Variants in EPB41L1 observed in about 807,000 individuals in gnomAD.
EPB41L1 encodes erythrocyte membrane protein band 4.1 like 1.
EPB41L1 carries 29 observed loss-of-function variants against 97.8 expected under a neutral mutation model. The observed-to-expected ratio is 0.30, with a 90% CI of 0.22 to 0.40. The LOEUF is 0.40. EPB41L1 is among the 10% of genes least tolerant of loss of function. EPB41L1 has a pLI of 1.00. For missense variants in EPB41L1, 812 were observed against 1,162.3 expected (o/e 0.70, Z 4.38); for synonymous variants, 383 against 459.2 (o/e 0.83, Z 2.12).
At position 36,190,420 on chromosome 20, in the gene EPB41L1, T is replaced by C. The variant is rs1305106268; in HGVS notation, c.1124+46T>C. ...GGTAATGGGGATGGGGCAGAGGCCATGTGTATGGAGGGGAGCAGGGGGAGG... is the reference window on the plus strand; with the variant it reads ...GGTAATGGGGATGGGGCAGAGGCCACGTGTATGGAGGGGAGCAGGGGGAGG... On this transcript the variant is annotated intron_variant, in intron 10 of 21. Transcript: ENST00000338074. The surrounding 1 kb of genome is among the most constrained non-coding windows in gnomAD (Gnocchi z 5.8). The C allele has an allele frequency of 1.9e-6, 3 of 1,597,956 alleles. No individual in the cohort carries two copies. The highest frequency in any genetic ancestry group is 2.6e-6 in the Non-Finnish European group (3 of 1,167,864).
intron 1 of EPB41L1, among the ~76,000 whole-genome samples, chr20:36,158,861 G>A (rs964586903): frequency 6.6e-6 from 1 of 152,176 alleles, no homozygotes; most frequent in African/African-American, 2.4e-5. Context: ...TAAATGTCAG[G>A]CCAAGGTGTT....
intron 18 of EPB41L1, 63 bp downstream of exon 18, chr20:36,219,025 T>C (rs1440451242): frequency 3.2e-6 from 5 of 1,544,978 alleles, no homozygotes; most frequent in Admixed American, 1.7e-5. Flanking sequence ...CATGGACCCA[T>C]GTATGGCTGG....
chr20:36,169,441 CA>C (rs1228567305), intron 1 of EPB41L1, among the ~76,000 whole-genome samples: 2 of 152,084 alleles, frequency 1.3e-5, no homozygotes, highest in East Asian at 3.9e-4. Flanking sequence ...GCCTGGCTGG[CA>C]GCAACGCTTA....
At chr20:36,113,169 T>C (rs1354599005) in intron 2 of EPB41L1, among the ~76,000 whole-genome samples, 2 of 152,156 alleles carry the variant, frequency 1.3e-5, no homozygotes, top group Non-Finnish European at 2.9e-5. Flanking sequence ...GCCCGGGGCG[T>C]GTCAAAGCTT....
intron 15 of EPB41L1, among the ~76,000 whole-genome samples, chr20:36,210,299 TCTGGG>T (rs1389824537): frequency 6.6e-6 from 1 of 151,926 alleles, no homozygotes; most frequent in Admixed American, 6.6e-5. Context: ...CTCTCTGGGG[TCTGGG>T]CTTCCCGGGG....
intron 2 of EPB41L1, among the ~76,000 whole-genome samples, chr20:36,174,572 C>T (rs1428511735): frequency 1.4e-5 from 2 of 141,268 alleles, no homozygotes; most frequent in Non-Finnish European, 3.1e-5. Context: ...CATGCCTGGC[C>T]TTTTTTTTTT....
rs2064543377 is a variant in EPB41L1 at position 36,232,672 on chromosome 20, T to C, written c.*3332T>C. The C allele has an allele frequency of 7.5e-6, 3 of 399,182 alleles. No homozygotes were observed. The East Asian group carries it at 1.1e-4, about 14-fold the overall frequency. 24.7% of individuals were successfully genotyped at this position (399,182 alleles called of 1,614,324 possible). ...ATTGCGATGCTGTCCTGTTCCTTTTTACTCACACCCTTCTCTCCTTTCTCG... is the reference window on the plus strand; with the variant it reads ...ATTGCGATGCTGTCCTGTTCCTTTTCACTCACACCCTTCTCTCCTTTCTCG... On this transcript the variant is annotated 3_prime_UTR_variant, in exon 22 of 22. Coordinates refer to ENST00000338074, the MANE Select transcript of EPB41L1 (RefSeq NM_012156.2).
At chr20:36,199,152 T>C (rs529216508) in intron 14 of EPB41L1, among the ~76,000 whole-genome samples, 1 of 152,202 alleles carries the variant, frequency 6.6e-6, no homozygotes, top group East Asian at 1.9e-4. Flanking sequence ...CTTTAACAAA[T>C]AAAATTCCCC....
Position 36,232,493 on chromosome 20 carries a change from T to G in EPB41L1, c.*3153T>G. 2.5e-6 allele frequency: 1 copy of G among 398,202 alleles called. No homozygotes were observed. The highest frequency in any genetic ancestry group is 4.4e-6 in the Non-Finnish European group (1 of 226,026). The allele number at this position is 398,202 out of a possible 1,614,324, so 24.7% of individuals were successfully genotyped here. A position where few individuals can be genotyped will look rare whatever the true frequency, so the allele number is the denominator to read the frequency against. On this transcript the variant is annotated 3_prime_UTR_variant, in exon 22 of 22. Coordinates refer to ENST00000338074, the MANE Select transcript of EPB41L1 (RefSeq NM_012156.2). ...CATGGGTCTTCATTTTCTCTTATTT[T>G]GTTTTCTCTGGATCTTTTCCATCTG...
chr20:36,222,435 G>C, intron 21 of EPB41L1, 41 bp downstream of exon 21: 127 of 1,462,748 alleles, frequency 8.7e-5, no homozygotes, highest in Non-Finnish European at 1.1e-4. Context: ...AGAGAGGAGG[G>C]AGCAGTAGCA....
At position 36,178,075 on chromosome 20, in the gene EPB41L1, A is replaced by G; in HGVS notation, c.447+19A>G. The G allele has an allele frequency of 6.3e-7, 1 of 1,591,458 alleles. No individual in the cohort carries two copies. Among genetic ancestry groups the G allele is most frequent in the Non-Finnish European group, 8.6e-7 (1 of 1,159,654 alleles). The stretch of plus-strand genomic sequence containing the variant: ...CCAGAAGGTACCTGGGCTAGGGAGC[A>G]GGGTGGGACCTGCTCTTCCGTTAGG... On this transcript the variant is annotated intron_variant, in intron 4 of 21. Transcript: ENST00000338074.
upstream of EPB41L1, chr20:36,152,821 C>T: frequency 2.7e-6 from 1 of 366,956 alleles, no homozygotes; most frequent in South Asian, 2.0e-5. Flanking sequence ...TTGGGAGCTC[C>T]TGGGAAAAAG....
At chr20:36,156,093 C>A (rs1217311928) in intron 1 of EPB41L1, among the ~76,000 whole-genome samples, 1 of 152,170 alleles carries the variant, frequency 6.6e-6, no homozygotes, top group Non-Finnish European at 1.5e-5. Flanking sequence ...ATGGAGCCTG[C>A]GGCAGAGGCA....
At chr20:36,167,716 T>A (rs1053267670) in intron 1 of EPB41L1, among the ~76,000 whole-genome samples, 1 of 150,072 alleles carries the variant, frequency 6.7e-6, no homozygotes, top group Non-Finnish European at 1.5e-5. Flanking sequence ...TCCAATAATA[T>A]TAATAATAAT....
rs2057713529 is a variant in EPB41L1, at chr20:36,093,182, T to C, written c.-65+1570T>C. On this transcript the variant is annotated intron_variant, in intron 1 of 19. Transcript: ENST00000202028. This position sits in a 1 kb window ranked among gnomAD's most constrained non-coding sequence, Gnocchi z 5.4. The stretch of plus-strand genomic sequence containing the variant: ...CGCGAGTGGTGCGTGCGTATCTGGG[T>C]GAGGGTGCGTGTGTCTGCGTGTGTC... 6.6e-6 allele frequency among the ~76,000 whole-genome samples: 1 copy of C among 151,038 alleles called. No individual in the cohort carries two copies. Among genetic ancestry groups the C allele is most frequent in the Non-Finnish European group, 1.5e-5 (1 of 67,846 alleles).
chr20:36,121,041 A>G (rs2058734258), intron 2 of EPB41L1, among the ~76,000 whole-genome samples: 1 of 150,124 alleles, frequency 6.7e-6, no homozygotes, highest in Admixed American at 6.7e-5. Flanking sequence ...CCTTGTTACA[A>G]TGTACAATGT....
chr20:36,157,048 A>AC (rs2060334335), intron 1 of EPB41L1, among the ~76,000 whole-genome samples: 1 of 151,990 alleles, frequency 6.6e-6, no homozygotes, highest in African/African-American at 2.4e-5. Flanking sequence ...ACATGGTGAA[A>AC]CCCCGTCTCT....
chr20:36,206,903 A>G lies in EPB41L1; in HGVS notation c.1669-2585A>G, dbSNP rs1396618370. On this transcript the variant is annotated intron_variant, in intron 14 of 21. Coordinates refer to ENST00000338074, the MANE Select transcript of EPB41L1 (RefSeq NM_012156.2). The surrounding 1 kb of genome is among the most constrained non-coding windows in gnomAD (Gnocchi z 5.5). Reference sequence around the variant, plus strand: ...CCTCCTCACAGAGGACAGGGCGTGCATCCCGACCCCCAGGCCTGCGCCCTT... The same window carrying G: ...CCTCCTCACAGAGGACAGGGCGTGCGTCCCGACCCCCAGGCCTGCGCCCTT... 5.4e-6 allele frequency: 7 copies of G among 1,289,936 alleles called. No individual in the cohort carries two copies. The highest frequency in any genetic ancestry group is 7.1e-6 in the Non-Finnish European group (7 of 988,894). The allele number at this position is 1,289,936 out of a possible 1,614,324, so 79.9% of individuals were successfully genotyped here.
rs748664912 is a variant in EPB41L1 at position 36,178,078 on chromosome 20, G to A, written c.447+22G>A. ...GAAGGTACCTGGGCTAGGGAGCAGG[G>A]TGGGACCTGCTCTTCCGTTAGGCTC... On this transcript the variant is annotated intron_variant, in intron 4 of 21. Transcript: ENST00000338074. The A allele has an allele frequency of 3.2e-6, 5 of 1,556,930 alleles. No homozygotes were observed. The South Asian group carries it at 4.5e-5, about 14-fold the overall frequency.
Sources: allele counts gnomAD v4.1 joint callset (sites outside exome capture counted in the v4.1 genomes callset), GRCh38; gene constraint gnomAD v4.1.1; non-coding constraint Gnocchi (gnomAD v3.1); transcripts MANE v1.5; gene names NCBI Gene and HGNC (gene_info 2026-07-23, HGNC 2026-07-21).